The following ABL2 variants were observed in gnomAD, a reference collection of about 807,000 sequenced individuals.
ABL2 encodes ABL proto-oncogene 2, non-receptor tyrosine kinase.
ABL2 carries 49 observed loss-of-function variants against 107.7 expected under a neutral mutation model. That is an observed-to-expected ratio of 0.45 (90% confidence interval 0.36 to 0.58). The LOEUF is 0.58. Ranked by LOEUF, ABL2 falls within the 20% of genes least tolerant of loss-of-function variation. ABL2 has a pLI of 0.00. For synonymous variants in ABL2, 549 were observed against 548.6 expected (o/e 1.00, Z -0.01); for missense variants, 1,245 against 1,457.0 (o/e 0.85, Z 2.37).
chr1:179,144,864 G>C (rs1657880928), intron 1 of ABL2, among the ~76,000 whole-genome samples: 1 of 152,090 alleles, frequency 6.6e-6, no homozygotes, highest in Admixed American at 6.5e-5. Context: ...AGAAAAAAAG[G>C]TATGGGAAAG....
intron 1 of ABL2, among the ~76,000 whole-genome samples, chr1:179,136,462 G>C (rs528794140): frequency 4.6e-5 from 7 of 152,036 alleles, no homozygotes; most frequent in Non-Finnish European, 1.0e-4. Flanking sequence ...GGGTTGAATG[G>C]ATTAAGGGCG....
intron 1 of ABL2, among the ~76,000 whole-genome samples, chr1:179,149,544 G>A: frequency 6.6e-6 from 1 of 152,220 alleles, no homozygotes; most frequent in East Asian, 1.9e-4. Context: ...TAGCTAGAGA[G>A]GAGAATGTCT....
intron 1 of ABL2, among the ~76,000 whole-genome samples, chr1:179,211,343 T>C (rs532786759): frequency 6.6e-6 from 1 of 151,918 alleles, no homozygotes; most frequent in African/African-American, 2.4e-5. Flanking sequence ...ACAAAAGAGA[T>C]GTAATCCCTA....
intron 1 of ABL2, among the ~76,000 whole-genome samples, chr1:179,217,738 C>T (rs1160089307): frequency 6.6e-6 from 1 of 152,138 alleles, no homozygotes; most frequent in African/African-American, 2.4e-5. Flanking sequence ...ACCTCTCCTT[C>T]ATTAGACCAT....
At chr1:179,181,621 C>A (rs1181747834) in intron 1 of ABL2, among the ~76,000 whole-genome samples, 2 of 152,060 alleles carry the variant, frequency 1.3e-5, no homozygotes, top group Non-Finnish European at 2.9e-5. Flanking sequence ...TCTAATGCAC[C>A]CTGTCAATAA....
Position 179,104,794 on chromosome 1 carries a change from A to G in ABL2, c.*2924T>C, listed in dbSNP as rs112527833. On this transcript the variant is annotated 3_prime_UTR_variant, in exon 12 of 12. Coordinates refer to ENST00000502732, the MANE Select transcript of ABL2 (RefSeq NM_007314.4). ...CCCAAAGGCATGCATCCAGATATAC[A>G]GCATAACCACTTTAGAAAACTGTCA... is the stretch of plus-strand genomic sequence containing the variant. 61 of 218,788 alleles carry G rather than the reference A, an allele frequency of 2.8e-4. No homozygotes were observed. The highest frequency in any genetic ancestry group is 1.2e-3 in the African/African-American group (54 of 44,650). The allele number at this position is 218,788 out of a possible 1,614,324, so 13.6% of individuals were successfully genotyped here. A position where few individuals can be genotyped will look rare whatever the true frequency, so the allele number is the denominator to read the frequency against.
At chr1:179,210,746 C>T (rs1422467592) in intron 1 of ABL2, among the ~76,000 whole-genome samples, 1 of 151,254 alleles carries the variant, frequency 6.6e-6, no homozygotes, top group African/African-American at 2.4e-5. Flanking sequence ...CCCAGCTACT[C>T]GGGAGGCTGA....
chr1:179,133,405 T>C, intron 1 of ABL2, 31 bp from the exon 2 acceptor site: 1 of 1,614,038 alleles, frequency 6.2e-7, no homozygotes, highest in Non-Finnish European at 8.5e-7. Flanking sequence ...CCACGTCACT[T>C]TTCTTAAGCT....
At chr1:179,220,892 G>T in intron 1 of ABL2, 1 of 167,188 alleles carries the variant, frequency 6.0e-6, no homozygotes. Context: ...CTCACATGGG[G>T]TCTCCTGCTG....
chr1:179,172,210 T>C (rs1046469967), intron 1 of ABL2, among the ~76,000 whole-genome samples: 11 of 152,320 alleles, frequency 7.2e-5, no homozygotes, highest in African/African-American at 2.4e-4. Context: ...CCTTATTAGG[T>C]CTTGTCCTAG....
intron 1 of ABL2, among the ~76,000 whole-genome samples, chr1:179,218,062 T>A (rs1479947736): frequency 6.6e-6 from 1 of 152,198 alleles, no homozygotes; most frequent in African/African-American, 2.4e-5. Flanking sequence ...ACTTAGAACA[T>A]GCCTGGCACA....
chr1:179,205,059 C>T (rs1186568398), intron 1 of ABL2, among the ~76,000 whole-genome samples: 1 of 148,990 alleles, frequency 6.7e-6, no homozygotes, highest in Non-Finnish European at 1.5e-5. Flanking sequence ...CTGAGTCTCA[C>T]TCTGTCGCCC....
chr1:179,127,557 A>T (rs962860862), intron 3 of ABL2, among the ~76,000 whole-genome samples: 6 of 152,220 alleles, frequency 3.9e-5, no homozygotes, highest in African/African-American at 1.4e-4. Flanking sequence ...TGCAGCACAA[A>T]TTAGGTTTCT....
intron 1 of ABL2, among the ~76,000 whole-genome samples, chr1:179,159,382 T>C (rs945617830): frequency 1.3e-5 from 2 of 152,206 alleles, no homozygotes; most frequent in Non-Finnish European, 2.9e-5. Flanking sequence ...GGTGAAGGAA[T>C]AAGTAGTCCT....
Position 179,131,428 on chromosome 1 carries a change from C to G in ABL2, c.274G>C (p.Ala92Pro). Residue 92 changes from alanine to proline, a missense_variant, in exon 3 of 12, where the codon GCT becomes CCT. Ala to Pro is a conservative substitution (Grantham distance 27). Coordinates refer to ENST00000502732, the MANE Select transcript of ABL2 (RefSeq NM_007314.4). ...TTCTCCTTGGAGCTCCACCTGATAG[C>G]CTCATTTAGTGCCTGGGGTTCAACA... is the stretch of plus-strand genomic sequence containing the variant. ...CDVEPQALNE[A>P]IRWSSKENLL... 2 of 1,614,076 alleles carry G rather than the reference C, an allele frequency of 1.2e-6. No homozygotes were observed. The highest frequency in any genetic ancestry group is 1.7e-6 in the Non-Finnish European group (2 of 1,179,964).
chr1:179,151,861 C>T (rs1368957574), intron 1 of ABL2, among the ~76,000 whole-genome samples: 1 of 151,958 alleles, frequency 6.6e-6, no homozygotes, highest in East Asian at 1.9e-4. Flanking sequence ...TTGTTATCAC[C>T]CCTGTTGAAA....
At chr1:179,188,210 G>A (rs146192469) in intron 1 of ABL2, among the ~76,000 whole-genome samples, 1 of 152,070 alleles carries the variant, frequency 6.6e-6, no homozygotes, top group East Asian at 1.9e-4. Flanking sequence ...CTGCTCAAAC[G>A]TTACCCCATC....
At chr1:179,191,413 C>CTTTTTTT (rs35362624) in intron 1 of ABL2, among the ~76,000 whole-genome samples, 58 of 77,180 alleles carry the variant, frequency 7.5e-4, no homozygotes, top group Non-Finnish European at 8.9e-4. Context: ...TATGAAATCC[C>CTTTTTTT]TTTTTTTTTT....
Position 179,114,948 on chromosome 1 carries a change from T to C in ABL2, c.1491A>G (p.Leu497=). 1.9e-6 allele frequency: 3 copies of C among 1,612,774 alleles called. No homozygotes were observed. Among genetic ancestry groups the C allele is most frequent in the South Asian group, 1.1e-5 (1 of 90,668 alleles). Residue 497 remains leucine, a synonymous_variant, in exon 9 of 12, where the codon CTA becomes CTG. Coordinates refer to ENST00000502732, the MANE Select transcript of ABL2 (RefSeq NM_007314.4). ...GTTCCATTCGATATCCTTTTTCTAG[T>C]AGGTCATAGACCTGAGACAGGTCAA... ...PGIDLSQVYD[L]LEKGYRMEQP...
Sources: allele counts gnomAD v4.1 joint callset (sites outside exome capture counted in the v4.1 genomes callset), GRCh38; gene constraint gnomAD v4.1.1; transcripts MANE v1.5; gene names NCBI Gene and HGNC (gene_info 2026-07-23, HGNC 2026-07-21).